The following NF1 variants were observed in gnomAD, a reference collection of about 807,000 sequenced individuals.
NF1 encodes neurofibromin.
NF1 carries 122 observed loss-of-function variants against 325.7 expected under a neutral mutation model. That is an observed-to-expected ratio of 0.37 (90% CI 0.32 to 0.44). The LOEUF is 0.44. Among genes scored for constraint, NF1 ranks in the 20% least tolerant of loss-of-function variants. NF1 has a pLI of 1.00. For synonymous variants in NF1, 1,091 were observed against 1,186.0 expected, an observed-to-expected ratio of 0.92 and a Z score of 1.65; for missense variants, 2,140 against 3,415.4, an observed-to-expected ratio of 0.63 and a Z score of 9.31.
At chr17:31,163,142 A>G (rs2143669297) in intron 3 of NF1, 44 bp from the exon 4 acceptor site, 1 of 1,592,188 alleles carries the variant, frequency 6.3e-7, no homozygotes, top group Non-Finnish European at 8.6e-7. Flanking sequence ...AAATGTTTAC[A>G]GGTAAAATTA....
chr17:31,223,434 G>A lies in NF1; in HGVS notation c.1722-10G>A, dbSNP rs2144015327. The A allele has an allele frequency of 6.2e-7, 1 of 1,610,792 alleles. No individual in the cohort carries two copies. Among genetic ancestry groups the A allele is most frequent in the Non-Finnish European group, 8.5e-7 (1 of 1,178,472 alleles). ...TGATGCTAGTAACAATGAACTTTAT[G>A]TTACTGCAGCTCACAAATGCTTTTT... is the stretch of plus-strand genomic sequence containing the variant. On this transcript the variant is annotated splice_polypyrimidine_tract_variant and intron_variant, in intron 15 of 57. Coordinates refer to ENST00000358273, the MANE Select transcript of NF1 (RefSeq NM_001042492.3).
chr17:31,102,137 T>G (rs941079300), intron 1 of NF1, among the ~76,000 whole-genome samples: 2 of 152,218 alleles, frequency 1.3e-5, no homozygotes, highest in African/African-American at 4.8e-5. Flanking sequence ...AAAATTAGCA[T>G]AAAGAAGGAA....
chr17:31,209,633 T>A (rs2066688859), intron 12 of NF1, among the ~76,000 whole-genome samples: 1 of 152,132 alleles, frequency 6.6e-6, no homozygotes, highest in Non-Finnish European at 1.5e-5. Flanking sequence ...TTCTTTTAGC[T>A]CTCTCTCTTT....
At chr17:31,130,649 G>A (rs1001755485) in intron 1 of NF1, among the ~76,000 whole-genome samples, 2 of 152,182 alleles carry the variant, frequency 1.3e-5, no homozygotes, top group African/African-American at 4.8e-5. Flanking sequence ...TGCTGGTGGG[G>A]ATGGCACTGG....
chr17:31,167,580 T>G (rs2065865568), intron 4 of NF1, among the ~76,000 whole-genome samples: 1 of 152,228 alleles, frequency 6.6e-6, no homozygotes, highest in South Asian at 2.1e-4. Context: ...TATAAAAGTT[T>G]ACAATTTAAT....
intron 36 of NF1, among the ~76,000 whole-genome samples, chr17:31,274,888 G>A (rs2067974454): frequency 6.6e-6 from 1 of 152,064 alleles, no homozygotes; most frequent in Non-Finnish European, 1.5e-5. Flanking sequence ...TTAAAATTCA[G>A]AAGTTAGTGT....
chr17:31,334,695 A>G (rs1375559655), intron 39 of NF1, 143 bp from the exon 40 acceptor site: 1 of 674,690 alleles, frequency 1.5e-6, no homozygotes, highest in Admixed American at 2.7e-5. Flanking sequence ...ACAAAAATAT[A>G]TTTGCCAAGT....
intron 36 of NF1, among the ~76,000 whole-genome samples, chr17:31,270,333 G>A (rs1336530289): frequency 6.6e-6 from 1 of 152,170 alleles, no homozygotes; most frequent in African/African-American, 2.4e-5. Flanking sequence ...AAGTGGCCGG[G>A]CAAGGTGGCT....
At chr17:31,188,934 CG>C (rs2066290132) in intron 8 of NF1, among the ~76,000 whole-genome samples, 1 of 152,096 alleles carries the variant, frequency 6.6e-6, no homozygotes, top group Admixed American at 6.6e-5. Context: ...ACCTCGTGAT[CG>C]TGTAAGTTAA....
intron 57 of NF1, among the ~76,000 whole-genome samples, chr17:31,364,542 A>T (rs1428299909): frequency 6.6e-6 from 1 of 152,206 alleles, no homozygotes; most frequent in African/African-American, 2.4e-5. Context: ...ATTAGGTCTT[A>T]CTTAAATTAA....
chr17:31,195,400 A>G (rs1359082028), intron 8 of NF1, among the ~76,000 whole-genome samples: 1 of 152,136 alleles, frequency 6.6e-6, no homozygotes, highest in Non-Finnish European at 1.5e-5. Context: ...AATGCACGTA[A>G]CATCAAATTT....
Position 31,350,296 on chromosome 17 carries a change from C to G in NF1, c.7435C>G (p.His2479Asp), listed in dbSNP as rs587782119. Residue 2479 changes from histidine (H) to aspartate (D), a missense_variant, in exon 50 of 58, where the codon CAT (histidine) becomes GAT (aspartate). Transcript: ENST00000358273. Reference sequence around the variant, plus strand: ...TGTTCCTATGGATACATATCCCATTCATCATGGTGACCCTTCCTATAGGTA... The same window carrying G: ...TGTTCCTATGGATACATATCCCATTGATCATGGTGACCCTTCCTATAGGTA... ...ENVPMDTYPI[H>D]HGDPSYRTLK... 6.2e-7 allele frequency: 1 copy of G among 1,612,152 alleles called. No individual in the cohort carries two copies. Among genetic ancestry groups the G allele is most frequent in the Non-Finnish European group, 8.5e-7 (1 of 1,178,426 alleles).
chr17:31,184,678 A>C (rs2066206203), intron 8 of NF1, among the ~76,000 whole-genome samples: 1 of 151,604 alleles, frequency 6.6e-6, no homozygotes, highest in Non-Finnish European at 1.5e-5. Context: ...AAAAATAAAA[A>C]AATAAAATAG....
Position 31,350,193 on chromosome 17 carries a change from A to T in NF1, c.7332A>T (p.Thr2444=), listed in dbSNP as rs759005886. ...CCGTTTTCCTTTTAGCTTTACTTAC[A>T]GTGTCTGAAGAAGTTCGAAGTCGCT... ...QSVAYLAALL[T]VSEEVRSRCS... The change falls in exon 50 of 58, where the codon ACA becomes ACT. Residue 2444 remains threonine (T), a synonymous_variant. Transcript: ENST00000358273. The T allele has an allele frequency of 1.2e-6, 2 of 1,614,010 alleles. No individual in the cohort carries two copies. The highest frequency in any genetic ancestry group is 1.7e-6 in the Non-Finnish European group (2 of 1,179,904).
At position 31,270,143 on chromosome 17, in the gene NF1, A is replaced by G. The variant is rs1377060650; in HGVS notation, c.4835+4804A>G. Reference sequence around the variant, plus strand: ...TGTGTGTGTGCACCTGCACATGTGTATGTGTAGACTGAGAAATGTATGAAA... The same window carrying G: ...TGTGTGTGTGCACCTGCACATGTGTGTGTGTAGACTGAGAAATGTATGAAA... On this transcript the variant is annotated intron_variant, in intron 36 of 57. Coordinates refer to ENST00000358273, the MANE Select transcript of NF1 (RefSeq NM_001042492.3). Among the ~76,000 whole-genome samples the G allele has an allele frequency of 5.9e-5, 9 of 152,328 alleles. No individual in the cohort carries two copies. The East Asian group carries it at 1.2e-3, about 20-fold the overall frequency.
chr17:31,377,491 A>G lies in NF1; in HGVS notation c.*3336A>G, dbSNP rs2070748621. 2 of 233,046 alleles carry G rather than the reference A, an allele frequency of 8.6e-6. No individual in the cohort carries two copies. Among genetic ancestry groups the G allele is most frequent in the East Asian group, 1.2e-4 (2 of 16,468 alleles). 14.4% of individuals were successfully genotyped at this position (233,046 alleles called of 1,614,324 possible). ...CAGTTCCTTTGTCTACAACCTTGTT[A>G]ATACTGTAAACAGTTGTACGCCAGC... On this transcript the variant is annotated 3_prime_UTR_variant, in exon 58 of 58. Coordinates refer to ENST00000358273, the MANE Select transcript of NF1 (RefSeq NM_001042492.3).
At chr17:31,331,047 T>G (rs547430240) in intron 39 of NF1, 1 of 152,234 alleles carries the variant, frequency 6.6e-6, no homozygotes, top group Admixed American at 6.5e-5. Flanking sequence ...TCCTATAGTT[T>G]TATAAATGTT....
chr17:31,258,622 C>A, intron 32 of NF1, 120 bp downstream of exon 32: 2 of 1,090,238 alleles, frequency 1.8e-6, no homozygotes, highest in Non-Finnish European at 2.7e-6. Context: ...CAGTTATGTG[C>A]TTTTGTTTTA....
At chr17:31,333,960 A>G (rs1205057627) in intron 39 of NF1, among the ~76,000 whole-genome samples, 2 of 152,224 alleles carry the variant, frequency 1.3e-5, no homozygotes, top group Admixed American at 6.5e-5. Context: ...TAAGTTTAAA[A>G]GAAGTTTGCA....
Sources: gnomAD v4.1 joint callset for allele counts (sites outside exome capture counted in the v4.1 genomes callset) on GRCh38, gnomAD v4.1.1 for gene constraint, MANE v1.5 for transcripts, NCBI Gene and HGNC (gene_info 2026-07-23, HGNC 2026-07-21) for gene names.